UPRT: variants seen among roughly 807,000 people sequenced by gnomAD.
UPRT encodes RP11-311P8.3.
Under a neutral mutation model 22.6 loss-of-function variants are expected in UPRT, and 5 were observed. That is an observed-to-expected ratio of 0.22 (90% confidence interval 0.12 to 0.47). The LOEUF (loss-of-function observed/expected upper bound fraction) is 0.47. Ranked by LOEUF, UPRT falls within the 20% of genes least tolerant of loss-of-function variation. The probability of loss-of-function intolerance (pLI) is 0.99; values close to 1 mark genes in which losing one functional copy is unlikely to be tolerated. For synonymous variants in UPRT, 77 were observed against 87.7 expected, an observed-to-expected ratio of 0.88 and a Z score of 0.68; for missense variants, 181 against 239.9, an observed-to-expected ratio of 0.75 and a Z score of 1.62.
chrX:75,237,828 T>G, intron 4 of UPRT, among the ~76,000 whole-genome samples: 1 of 100,774 alleles, frequency 9.9e-6, no homozygotes, highest in Non-Finnish European at 2.0e-5. Context: ...GGGATAGCAT[T>G]GGGAGATATA....
chrX:75,187,909 T>C (rs1351711167), intron 4 of UPRT, among the ~76,000 whole-genome samples: 1 of 112,095 alleles, frequency 8.9e-6, no homozygotes, highest in Admixed American at 9.5e-5. Context: ...TTGGTTATTC[T>C]AGTTATACAT....
chrX:75,175,033 T>A (rs543809781), intron 4 of UPRT, among the ~76,000 whole-genome samples: 2 of 110,858 alleles, frequency 1.8e-5, no homozygotes, highest in South Asian at 7.7e-4. Context: ...TTTTCTCTCT[T>A]TCCTTCTTTC....
In UPRT at chrX:75,206,954, A is replaced by G. The variant is rs773238503; in HGVS notation, c.-447+39075A>G. Among the ~76,000 whole-genome samples, 10 of 112,315 alleles carry G rather than the reference A, an allele frequency of 8.9e-5. No homozygotes were observed. The East Asian group carries it at 2.3e-3, about 25-fold the overall frequency. Reference sequence around the variant, plus strand: ...GTTGAGATTACAGGCGTGAGCCACCACACTTGGCCAATGATGGGGTTTTAA... The same window carrying G: ...GTTGAGATTACAGGCGTGAGCCACCGCACTTGGCCAATGATGGGGTTTTAA... On this transcript the variant is annotated intron_variant, in intron 4 of 13. Transcript: ENST00000652605.
intron 4 of UPRT, among the ~76,000 whole-genome samples, chrX:75,269,077 C>A (rs756319425): frequency 4.5e-5 from 5 of 111,894 alleles, no homozygotes; most frequent in Non-Finnish European, 9.4e-5. Flanking sequence ...GATACAAAAT[C>A]ACTGTGCAAC....
intron 1 of UPRT, among the ~76,000 whole-genome samples, chrX:75,280,846 G>A (rs1271007415): frequency 9.0e-6 from 1 of 111,390 alleles, no homozygotes; most frequent in African/African-American, 3.3e-5. Flanking sequence ...CATTGAATTT[G>A]TAGATTGCTT....
At chrX:75,263,493 T>C (rs1342646959) in intron 4 of UPRT, among the ~76,000 whole-genome samples, 2 of 112,270 alleles carry the variant, frequency 1.8e-5, no homozygotes, top group Non-Finnish European at 3.8e-5. Flanking sequence ...CTAGATTTTC[T>C]AGTTTATTTG....
chrX:75,224,808 TC>T (rs1191033515), intron 4 of UPRT, among the ~76,000 whole-genome samples: 2 of 111,864 alleles, frequency 1.8e-5, no homozygotes, highest in Admixed American at 1.9e-4. Flanking sequence ...GGAATGAATA[TC>T]CTCTTGATTC....
chrX:75,161,768 A>G (rs982576138), intron 2 of UPRT, among the ~76,000 whole-genome samples: 8 of 111,920 alleles, frequency 7.1e-5, no homozygotes, highest in Non-Finnish European at 1.5e-4. Flanking sequence ...AGCGGAGTCA[A>G]AACTCAAACC....
rs756519980 is a variant in UPRT at position 75,234,114 on chromosome X, A to G, written c.-446-56910A>G. ...AGATCTACCAAGCAAATGGAAAACA[A>G]AAAAAGGCAGGGGTTGCAATCCTAG... On this transcript the variant is annotated intron_variant, in intron 4 of 13. Coordinates refer to the UPRT transcript ENST00000652605. Among the ~76,000 whole-genome samples, 6 of 110,574 alleles carry G rather than the reference A, an allele frequency of 5.4e-5. No individual in the cohort carries two copies. The East Asian group carries it at 1.7e-3, about 31-fold the overall frequency.
At chrX:75,167,779 C>T in intron 3 of UPRT, among the ~76,000 whole-genome samples, 1 of 103,816 alleles carries the variant, frequency 9.6e-6, no homozygotes, top group Non-Finnish European at 2.0e-5. Flanking sequence ...TTCAAATGTT[C>T]ACTTTACTTT....
chrX:75,176,019 T>C (rs2082245391), intron 4 of UPRT, among the ~76,000 whole-genome samples: 2 of 111,599 alleles, frequency 1.8e-5, no homozygotes, highest in African/African-American at 6.5e-5. Flanking sequence ...TCTTTTAGAA[T>C]CAATTGACCC....
chrX:75,236,410 G>T (rs915417898), intron 4 of UPRT, among the ~76,000 whole-genome samples: 1 of 111,370 alleles, frequency 9.0e-6, no homozygotes, highest in African/African-American at 3.3e-5. Flanking sequence ...TCCCCATCAA[G>T]CTACCAATGA....
chrX:75,194,622 T>G (rs970609565), intron 4 of UPRT, among the ~76,000 whole-genome samples: 5 of 110,632 alleles, frequency 4.5e-5, no homozygotes, highest in African/African-American at 1.6e-4. Flanking sequence ...GTGGTGTTAG[T>G]TTGGGGTTGA....
chrX:75,273,648 G>A (rs2082619157), upstream of UPRT, among the ~76,000 whole-genome samples: 1 of 111,963 alleles, frequency 8.9e-6, no homozygotes, highest in African/African-American at 3.2e-5. Flanking sequence ...AAGCATACTT[G>A]GGAAGCTGCA....
chrX:75,297,335 T>C (rs1270998717), intron 3 of UPRT, among the ~76,000 whole-genome samples, 156 bp from the exon 4 acceptor site: 1 of 112,160 alleles, frequency 8.9e-6, no homozygotes, highest in East Asian at 2.8e-4. Context: ...AAATCATGAC[T>C]CATCTCATTA....
upstream of UPRT, among the ~76,000 whole-genome samples, chrX:75,272,605 G>A (rs1044655838): frequency 1.9e-5 from 2 of 108,037 alleles, no homozygotes. Flanking sequence ...AAGGGCTTGA[G>A]AGATAAAAGA....
intron 4 of UPRT, among the ~76,000 whole-genome samples, chrX:75,179,810 G>A (rs1432938448): frequency 1.8e-5 from 2 of 112,505 alleles, no homozygotes; most frequent in East Asian, 2.8e-4. Context: ...TGGCTGCTCC[G>A]AGCGCGGGGC....
intron 4 of UPRT, among the ~76,000 whole-genome samples, chrX:75,199,875 C>G (rs924399572): frequency 8.9e-6 from 1 of 112,132 alleles, no homozygotes; most frequent in Non-Finnish European, 1.9e-5. Flanking sequence ...AAAAGCGTTC[C>G]TATTTCTCCA....
chrX:75,284,539 A>G (rs2082671990), intron 1 of UPRT, among the ~76,000 whole-genome samples: 1 of 111,120 alleles, frequency 9.0e-6, no homozygotes. Context: ...GCTTCCTGTG[A>G]GCTGAACTGC....
Sources: gnomAD v4.1 joint callset for allele counts (sites outside exome capture counted in the v4.1 genomes callset) on GRCh38, gnomAD v4.1.1 for gene constraint, MANE v1.5 for transcripts, NCBI Gene and HGNC (gene_info 2026-07-23, HGNC 2026-07-21) for gene names.